The following KIF3B variants were observed in gnomAD, a reference collection of about 807,000 sequenced individuals.
The protein encoded by KIF3B is kinesin-like protein KIF3B.
A neutral mutation model predicts 74.3 loss-of-function variants in KIF3B; 38 were observed. The observed-to-expected ratio is 0.51, with a 90% CI of 0.39 to 0.67. The LOEUF (loss-of-function observed/expected upper bound fraction) is 0.67, where lower values mean the gene tolerates loss of function less well. KIF3B is among the 30% of genes least tolerant of loss of function. KIF3B has a pLI of 0.00. For missense variants in KIF3B, 649 were observed against 932.0 expected, an observed-to-expected ratio of 0.70 and a Z score of 3.95; for synonymous variants, 326 against 342.5, an observed-to-expected ratio of 0.95 and a Z score of 0.53.
chr20:32,283,703 C>T (rs753255467), intron 1 of KIF3B, among the ~76,000 whole-genome samples: 7 of 146,458 alleles, frequency 4.8e-5, no homozygotes, highest in South Asian at 2.2e-4. Context: ...CCAGCTACTT[C>T]GGAGGCTGAG....
chr20:32,310,629 C>T lies in KIF3B; in HGVS notation c.852C>T (p.Asp284=), dbSNP rs149299393. ...ALGNVISALV[D]GKSTHIPYRD... ...GTAATGTCATCTCTGCTCTAGTGGA[C>T]GGCAAAAGCACTCACATTCCATATC... Residue 284 remains aspartate (D), a synonymous_variant, in exon 2 of 9, where the codon GAC becomes GAT. Transcript: ENST00000375712. This position sits in a 1 kb window ranked among gnomAD's most constrained non-coding sequence, Gnocchi z 6.5. The T allele has an allele frequency of 9.3e-5, 150 of 1,614,090 alleles. 1 individual carries two copies. The highest frequency in any genetic ancestry group is 6.2e-4 in the Admixed American group (37 of 60,000).
At chr20:32,324,960 G>T (rs763500810) in intron 5 of KIF3B, among the ~76,000 whole-genome samples, 2 of 152,156 alleles carry the variant, frequency 1.3e-5, no homozygotes, top group African/African-American at 4.8e-5. Context: ...GAACCTGGGA[G>T]ACGAAGGTTG....
intron 1 of KIF3B, among the ~76,000 whole-genome samples, chr20:32,304,663 G>C (rs982244728): frequency 4.6e-5 from 7 of 152,132 alleles, no homozygotes; most frequent in African/African-American, 1.7e-4. Context: ...GTTTATTATT[G>C]TATATAATAT....
At chr20:32,315,037 C>A (rs1424746721) in intron 2 of KIF3B, among the ~76,000 whole-genome samples, 1 of 152,184 alleles carries the variant, frequency 6.6e-6, no homozygotes, top group Non-Finnish European at 1.5e-5. Context: ...ATCAGGGTCT[C>A]TTGGACTCAT....
chr20:32,286,327 G>A (rs961320103), intron 1 of KIF3B, among the ~76,000 whole-genome samples: 1 of 152,126 alleles, frequency 6.6e-6, no homozygotes, highest in African/African-American at 2.4e-5. Context: ...GCAGACTACA[G>A]TAATCATTAC....
intron 1 of KIF3B, among the ~76,000 whole-genome samples, chr20:32,302,695 G>A (rs781052715): frequency 6.6e-6 from 1 of 152,102 alleles, no homozygotes; most frequent in Non-Finnish European, 1.5e-5. Flanking sequence ...TGGCAGGCTC[G>A]TGCACTGAAA....
At chr20:32,330,062 T>C (rs1318271632) in intron 7 of KIF3B, 79 bp from the exon 8 acceptor site, 2 of 1,320,104 alleles carry the variant, frequency 1.5e-6, no homozygotes, top group East Asian at 5.1e-5. Context: ...ACTTCTATTC[T>C]TGGAGGGGCC....
chr20:32,290,553 C>T (rs1291941993), intron 1 of KIF3B, among the ~76,000 whole-genome samples: 9 of 152,116 alleles, frequency 5.9e-5, no homozygotes, highest in East Asian at 1.9e-4. Flanking sequence ...CCCAAATGTC[C>T]GTTAACAGAT....
At chr20:32,317,724 A>C (rs1189024248) in intron 5 of KIF3B, among the ~76,000 whole-genome samples, 4 of 151,164 alleles carry the variant, frequency 2.6e-5, no homozygotes, top group Non-Finnish European at 4.4e-5. Flanking sequence ...AGCAGCCTGT[A>C]ACTTGTGGGC....
rs2047796316 is a variant in KIF3B at position 32,310,815 on chromosome 20, C to T, written c.1038C>T (p.Val346=). The T allele has an allele frequency of 6.2e-7, 1 of 1,614,104 alleles. No individual in the cohort carries two copies. The highest frequency in any genetic ancestry group is 1.6e-4 in the Middle Eastern group (1 of 6,062). Residue 346 remains valine (V), a synonymous_variant, in exon 2 of 9, where the codon GTC becomes GTT. Coordinates refer to ENST00000375712, the MANE Select transcript of KIF3B (RefSeq NM_004798.4). The surrounding 1 kb of genome is among the most constrained non-coding windows in gnomAD (Gnocchi z 6.5). ...AAAACATTAAGAACAAACCAAGGGT[C>T]AATGAGGACCCCAAGGATGCCCTCC... ...RAKNIKNKPR[V]NEDPKDALLR... is the part of the protein sequence containing the mutation.
rs1396852102 is a variant in KIF3B at position 32,319,585 on chromosome 20, T to G, written c.1748+2711T>G. 8.6e-3 allele frequency among the ~76,000 whole-genome samples: 1,192 copies of G among 138,858 alleles called. 92 individuals carry two copies. The highest frequency in any genetic ancestry group is 0.083 in the Admixed American group (1,079 of 13,046). 91.1% of individuals were successfully genotyped at this position (138,858 alleles called of 152,430 possible). On this transcript the variant is annotated intron_variant, in intron 5 of 8. Coordinates refer to ENST00000375712, the MANE Select transcript of KIF3B (RefSeq NM_004798.4). The stretch of plus-strand genomic sequence containing the variant: ...AGTTTTTTTTTGTTTTGTTTTTGTT[T>G]TTTTTTTTTTTTTTTTTGGAGTTGG...
intron 5 of KIF3B, among the ~76,000 whole-genome samples, chr20:32,319,051 C>G (rs2047843364): frequency 6.6e-6 from 1 of 151,862 alleles, no homozygotes; most frequent in South Asian, 2.1e-4. Context: ...ACCTCCACCT[C>G]CTGGGCTCAA....
At chr20:32,309,386 C>T (rs2047788461) in intron 1 of KIF3B, among the ~76,000 whole-genome samples, 1 of 151,952 alleles carries the variant, frequency 6.6e-6, no homozygotes, top group Admixed American at 6.6e-5. Flanking sequence ...AAGCTGGTCT[C>T]AAACTCCTGG....
At chr20:32,288,897 A>G (rs951123693) in intron 1 of KIF3B, among the ~76,000 whole-genome samples, 1 of 152,190 alleles carries the variant, frequency 6.6e-6, no homozygotes, top group Non-Finnish European at 1.5e-5. Flanking sequence ...TCATCATATT[A>G]ATAAAATAAA....
At chr20:32,309,668 C>T (rs2047789711) in intron 1 of KIF3B, 45 bp from the exon 2 acceptor site, 1 of 1,238,404 alleles carries the variant, frequency 8.1e-7, no homozygotes, top group Non-Finnish European at 1.1e-6. Context: ...AGGCAGGCTG[C>T]AATGACAACG....
At chr20:32,295,854 CT>C (rs66566110) in intron 1 of KIF3B, among the ~76,000 whole-genome samples, 64,233 of 110,874 alleles carry the variant, frequency 0.58, 18,806 homozygotes, top group East Asian at 0.92. Context: ...TTTTTATTAT[CT>C]TTTTTTTTTT....
intron 2 of KIF3B, among the ~76,000 whole-genome samples, chr20:32,315,969 A>AT (rs1345907989): frequency 6.6e-6 from 1 of 152,116 alleles, no homozygotes; most frequent in Non-Finnish European, 1.5e-5. Context: ...AAAAAAAAAA[A>AT]TTTGTTAAAG....
chr20:32,326,897 T>C lies in KIF3B; in HGVS notation c.1862+13T>C. Reference sequence around the variant, plus strand: ...TAACCAGACTGGAGTAAGTCACTATTAACTTCAAGTATATTTTCAAGTATG... The same window carrying C: ...TAACCAGACTGGAGTAAGTCACTATCAACTTCAAGTATATTTTCAAGTATG... On this transcript the variant is annotated intron_variant, in intron 6 of 8. Coordinates refer to ENST00000375712, the MANE Select transcript of KIF3B (RefSeq NM_004798.4). 8.2e-7 allele frequency: 1 copy of C among 1,217,052 alleles called. No individual in the cohort carries two copies. The highest frequency in any genetic ancestry group is 1.3e-5 in the South Asian group (1 of 77,656). 75.4% of individuals were successfully genotyped at this position (1,217,052 alleles called of 1,614,324 possible).
Position 32,326,775 on chromosome 20 carries a change from C to A in KIF3B, c.1753C>A (p.Leu585Ile). 1 of 1,274,120 alleles carries A rather than the reference C, an allele frequency of 7.8e-7. No homozygotes were observed. The highest frequency in any genetic ancestry group is 1.5e-5 in the African/African-American group (1 of 67,326). The allele number at this position is 1,274,120 out of a possible 1,614,324, so 78.9% of individuals were successfully genotyped here. The change falls in exon 6 of 9, where the codon CTT becomes ATT. Residue 585 changes from leucine to isoleucine, a missense_variant. Transcript: ENST00000375712. ...ELTRELKLKHLIIENFIPLEE... is the reference protein window; with the variant it reads ...ELTRELKLKHIIIENFIPLEE... ...CTGTTATGTGTGCTCTTACAGGCAT[C>A]TTATTATAGAAAACTTTATCCCTCT...
Sources: gnomAD v4.1 joint callset for allele counts (sites outside exome capture counted in the v4.1 genomes callset) on GRCh38, gnomAD v4.1.1 for gene constraint, Gnocchi (gnomAD v3.1) non-coding constraint, MANE v1.5 for transcripts, NCBI Gene and HGNC (gene_info 2026-07-23, HGNC 2026-07-21) for gene names.